Variants in TBC1D32 observed in about 807,000 individuals in gnomAD.
The protein encoded by TBC1D32 is protein broad-minded.
In TBC1D32, 151 loss-of-function variants were observed where a neutral mutation model predicts 170.3. The ratio of observed to expected loss-of-function variants is 0.89; its 90% CI spans 0.78 to 1.01. The LOEUF (loss-of-function observed/expected upper bound fraction) is 1.01. Among genes scored for constraint, TBC1D32 ranks in the 50% least tolerant of loss-of-function variants. TBC1D32 has a pLI of 0.00. For missense variants in TBC1D32, 1,464 were observed against 1,457.1 expected (o/e 1.00, Z -0.08); for synonymous variants, 498 against 488.0 (o/e 1.02, Z -0.27).
chr6:121,292,238 T>C, intron 11 of TBC1D32, 45 bp from the exon 12 acceptor site: 1 of 1,533,024 alleles, frequency 6.5e-7, no homozygotes, highest in Non-Finnish European at 8.9e-7. Context: ...TATCATTATA[T>C]TTTACAGTAC....
At chr6:121,198,745 T>C (rs911648802) in intron 22 of TBC1D32, among the ~76,000 whole-genome samples, 1 of 150,958 alleles carries the variant, frequency 6.6e-6, no homozygotes, top group African/African-American at 2.5e-5. Context: ...AGCGAGACTC[T>C]TGTCTCAAAA....
At chr6:121,306,271 G>A (rs1027051685) in intron 5 of TBC1D32, among the ~76,000 whole-genome samples, 2 of 152,090 alleles carry the variant, frequency 1.3e-5, no homozygotes, top group African/African-American at 4.8e-5. Context: ...AACCACTTCT[G>A]TTTACCAGTA....
chr6:121,247,246 TA>T (rs1359280933), intron 17 of TBC1D32, among the ~76,000 whole-genome samples: 1 of 151,962 alleles, frequency 6.6e-6, no homozygotes, highest in East Asian at 1.9e-4. Flanking sequence ...GAAAAACAGA[TA>T]AAATCTTTTT....
chr6:121,323,913 T>C (rs1039469985), intron 1 of TBC1D32, among the ~76,000 whole-genome samples: 1 of 152,086 alleles, frequency 6.6e-6, no homozygotes, highest in African/African-American at 2.4e-5. Flanking sequence ...GCACTCCAGC[T>C]TGGTGACAGA....
chr6:121,190,438 C>G (rs1414852578), intron 22 of TBC1D32, among the ~76,000 whole-genome samples: 1 of 149,086 alleles, frequency 6.7e-6, no homozygotes, highest in Non-Finnish European at 1.5e-5. Context: ...CCTACACACC[C>G]ACTCTCTCTA....
chr6:121,314,439 C>G (rs77368650), intron 3 of TBC1D32, among the ~76,000 whole-genome samples: 3,647 of 152,258 alleles, frequency 0.024, 161 homozygotes, highest in East Asian at 0.12. Flanking sequence ...GACCATTATT[C>G]TGTGTACCAC....
At chr6:121,185,683 C>T (rs973945712) in intron 22 of TBC1D32, among the ~76,000 whole-genome samples, 16 of 152,072 alleles carry the variant, frequency 1.1e-4, no homozygotes, top group African/African-American at 3.6e-4. Context: ...ATACACAAAA[C>T]TTCACATCCT....
At chr6:121,224,510 T>C (rs1038387693) in intron 20 of TBC1D32, 3 of 152,106 alleles carry the variant, frequency 2.0e-5, no homozygotes, top group African/African-American at 4.8e-5. Context: ...TCAATCTCAT[T>C]TAATAGATGA....
chr6:121,145,230 G>C (rs1387178881), intron 24 of TBC1D32, among the ~76,000 whole-genome samples: 1 of 152,114 alleles, frequency 6.6e-6, no homozygotes, highest in African/African-American at 2.4e-5. Flanking sequence ...ATATCAAAAA[G>C]ATCAAGTAAA....
rs995228138 is a variant in TBC1D32, at chr6:121,209,051, T to C, written c.2482-3888A>G. ...AAGAAGAGAATAATTATAGCAAATA[T>C]TTATATATCACTTATTATCTGCCAG... is the stretch of plus-strand genomic sequence containing the variant. On this transcript the variant is annotated intron_variant, in intron 21 of 31. Transcript: ENST00000398212. Among the ~76,000 whole-genome samples the C allele has an allele frequency of 3.9e-5, 6 of 152,086 alleles. No homozygotes were observed. In the East Asian group the frequency reaches 7.7e-4, roughly 20 times the overall value.
intron 22 of TBC1D32, among the ~76,000 whole-genome samples, chr6:121,174,582 T>G (rs1348789392): frequency 1.3e-5 from 2 of 152,092 alleles, no homozygotes; most frequent in Admixed American, 6.6e-5. Flanking sequence ...GCAGCAACAT[T>G]CAATACCAGA....
chr6:121,238,484 TA>T (rs1796579311), intron 20 of TBC1D32, among the ~76,000 whole-genome samples: 1 of 152,130 alleles, frequency 6.6e-6, no homozygotes, highest in Non-Finnish European at 1.5e-5. Flanking sequence ...ATCTTTTGAA[TA>T]AAAATTGTCT....
At chr6:121,326,758 G>C (rs1312493063) in intron 1 of TBC1D32, among the ~76,000 whole-genome samples, 2 of 150,534 alleles carry the variant, frequency 1.3e-5, no homozygotes, top group African/African-American at 2.4e-5. Flanking sequence ...CTTTTCAAAA[G>C]AATCTTCTAG....
chr6:121,309,970 G>C (rs1302218417), intron 4 of TBC1D32, among the ~76,000 whole-genome samples: 1 of 152,092 alleles, frequency 6.6e-6, no homozygotes, highest in Non-Finnish European at 1.5e-5. Context: ...GGGAGGTAGA[G>C]GCTGCAGTGA....
intron 3 of TBC1D32, among the ~76,000 whole-genome samples, chr6:121,313,521 C>T (rs981078526): frequency 6.6e-6 from 1 of 152,060 alleles, no homozygotes; most frequent in Non-Finnish European, 1.5e-5. Flanking sequence ...ACACATTCCT[C>T]TTCCAAATAA....
At chr6:121,192,091 G>A (rs1176776104) in intron 22 of TBC1D32, among the ~76,000 whole-genome samples, 1 of 102,454 alleles carries the variant, frequency 9.8e-6, no homozygotes, top group African/African-American at 4.5e-5. Context: ...TATCCTATTA[G>A]TTCTATCCTT....
At chr6:121,098,976 A>G (rs946065393) in intron 30 of TBC1D32, among the ~76,000 whole-genome samples, 1 of 152,032 alleles carries the variant, frequency 6.6e-6, no homozygotes, top group Non-Finnish European at 1.5e-5. Context: ...GGCCATGCCC[A>G]GCATTCATAT....
intron 20 of TBC1D32, among the ~76,000 whole-genome samples, chr6:121,231,168 T>C (rs1437439483): frequency 6.6e-6 from 1 of 152,168 alleles, no homozygotes; most frequent in African/African-American, 2.4e-5. Context: ...CTTCTACATG[T>C]GGCTTGCTAA....
intron 24 of TBC1D32, among the ~76,000 whole-genome samples, chr6:121,153,012 C>T (rs6899621): frequency 0.015 from 2,254 of 152,232 alleles, 39 homozygotes; most frequent in African/African-American, 0.044. Context: ...ATTTGTCAAA[C>T]TCATTCTCTG....
Sources: gnomAD v4.1 joint callset for allele counts (sites outside exome capture counted in the v4.1 genomes callset) on GRCh38, gnomAD v4.1.1 for gene constraint, MANE v1.5 for transcripts, NCBI Gene and HGNC (gene_info 2026-07-23, HGNC 2026-07-21) for gene names.